Variants in ZNF654 observed in about 807,000 individuals in gnomAD.
ZNF654 encodes the protein zinc finger protein 654.
ZNF654 carries 19 observed loss-of-function variants against 95.3 expected under a neutral mutation model. The observed-to-expected ratio is 0.20, with a 90% confidence interval of 0.14 to 0.29. ZNF654 has a LOEUF of 0.29. Ranked by LOEUF, ZNF654 falls within the 10% of genes least tolerant of loss-of-function variation. The pLI is 1.00. For synonymous variants in ZNF654, 413 were observed against 457.9 expected (o/e 0.90, Z 1.25); for missense variants, 1,046 against 1,341.0 (o/e 0.78, Z 3.44).
In ZNF654 at chr3:88,140,648, T is replaced by G; in HGVS notation, c.2979T>G (p.Pro993=). Residue 993 remains proline (P), a synonymous_variant, in exon 8 of 9, where the codon CCT becomes CCG. Transcript: ENST00000636215. ...AAACACCTTTAGTTTCATCAGATCC[T>G]GCTTTGAAAATTGATACAAACAGAA... The part of the protein sequence containing the change: ...IEQTPLVSSD[P]ALKIDTNRIR... 6.2e-7 allele frequency: 1 copy of G among 1,613,790 alleles called. No individual in the cohort carries two copies. Among genetic ancestry groups the G allele is most frequent in the Non-Finnish European group, 8.5e-7 (1 of 1,179,752 alleles).
At chr3:88,074,649 A>T (rs1707702630) in intron 1 of ZNF654, among the ~76,000 whole-genome samples, 1 of 152,078 alleles carries the variant, frequency 6.6e-6, no homozygotes, top group South Asian at 2.1e-4. Flanking sequence ...CCTGTGTCTT[A>T]CTTTCTTAAG....
In ZNF654 at chr3:88,143,916, T is replaced by G. The variant is rs1331157913; in HGVS notation, c.*2264T>G. 1 of 152,062 alleles carries G rather than the reference T, an allele frequency of 6.6e-6. No homozygotes were observed. The highest frequency in any genetic ancestry group is 1.5e-5 in the Non-Finnish European group (1 of 67,804). The allele number at this position is 152,062 out of a possible 1,614,324, so 9.4% of individuals were successfully genotyped here. A position where few individuals can be genotyped will look rare whatever the true frequency, so the allele number is the denominator to read the frequency against. Reference sequence around the variant, plus strand: ...AAAACATAAACCTACATCATTTTGCTTTTATAGGGTGCATAAACTTCCAAC... The same window carrying G: ...AAAACATAAACCTACATCATTTTGCGTTTATAGGGTGCATAAACTTCCAAC... On this transcript the variant is annotated 3_prime_UTR_variant, in exon 9 of 9. Coordinates refer to ENST00000636215, the MANE Select transcript of ZNF654 (RefSeq NM_001350134.2).
At chr3:88,064,933 A>G (rs1559685396) in intron 1 of ZNF654, among the ~76,000 whole-genome samples, 1 of 152,252 alleles carries the variant, frequency 6.6e-6, no homozygotes, top group Non-Finnish European at 1.5e-5. Context: ...TACTTTTGAA[A>G]GAGTATCCTA....
intron 1 of ZNF654, among the ~76,000 whole-genome samples, chr3:88,061,317 AATAGTGACAGT>A (rs987526630): frequency 2.5e-4 from 38 of 152,350 alleles, no homozygotes; most frequent in Admixed American, 7.2e-4. Context: ...ACAGTGTCTT[AATAGTGACAGT>A]ACAATATTTT....
Position 88,128,813 on chromosome 3 carries a change from C to G in ZNF654, c.555C>G (p.Asn185Lys). The G allele has an allele frequency of 6.5e-7, 1 of 1,532,384 alleles. No homozygotes were observed. Among genetic ancestry groups the G allele is most frequent in the Non-Finnish European group, 8.7e-7 (1 of 1,144,478 alleles). The allele number at this position is 1,532,384 out of a possible 1,614,324, so 94.9% of individuals were successfully genotyped here. The part of the protein sequence containing the change: ...KAQPASQEIV[N>K]KYLSSENPLF... ...TCTGTTTTCTTTTTAATATAGTGAA[C>G]AAATATTTAAGTTCTGAAAATCCAC... The change falls in exon 5 of 9, where the codon AAC (asparagine) becomes AAG (lysine). Residue 185 changes from asparagine (N) to lysine (K), a missense_variant. Asn to Lys is a moderately conservative substitution (Grantham distance 94, BLOSUM62 0). Around this residue, in one of 9 missense-constraint regions of ZNF654, gnomAD observed 91 missense variants for 190.5 expected, o/e 0.48. Transcript: ENST00000636215.
In ZNF654 at chr3:88,066,582, A is replaced by AC. The variant is rs1387694839; in HGVS notation, c.186+7077_186+7078insC. On this transcript the variant is annotated intron_variant, in intron 1 of 8. Coordinates refer to ENST00000636215, the MANE Select transcript of ZNF654 (RefSeq NM_001350134.2). The stretch of plus-strand genomic sequence containing the variant: ...GTAAAACAAACAAACAAACAAACAA[A>AC]AAAAACAAAAAAACCTCAATTTTAA... 3.0e-3 allele frequency among the ~76,000 whole-genome samples: 455 copies of AC among 152,248 alleles called. 4 individuals are homozygous for AC. The highest frequency in any genetic ancestry group is 0.01 in the African/African-American group (431 of 41,524).
intron 2 of ZNF654, among the ~76,000 whole-genome samples, chr3:88,106,405 T>G (rs1264796668): frequency 6.6e-6 from 1 of 151,866 alleles, no homozygotes; most frequent in African/African-American, 2.4e-5. Context: ...TGGTGTGATC[T>G]CGGCTCACTG....
chr3:88,137,896 T>C (rs2107881430), intron 7 of ZNF654, among the ~76,000 whole-genome samples: 1 of 152,264 alleles, frequency 6.6e-6, no homozygotes, highest in African/African-American at 2.4e-5. Flanking sequence ...CAGTATGATA[T>C]ATATACATAT....
intron 2 of ZNF654, among the ~76,000 whole-genome samples, chr3:88,091,815 T>C (rs1181888764): frequency 3.9e-5 from 6 of 152,194 alleles, no homozygotes; most frequent in Non-Finnish European, 7.3e-5. Context: ...CCTTTGTTCC[T>C]CCTTCGCCTT....
chr3:88,077,541 A>G (rs535784134), intron 1 of ZNF654, among the ~76,000 whole-genome samples: 1 of 152,056 alleles, frequency 6.6e-6, no homozygotes, highest in Admixed American at 6.5e-5. Flanking sequence ...TTCCCTGTGT[A>G]TGGGGAATCA....
Position 88,139,140 on chromosome 3 carries a change from G to A in ZNF654, c.1471G>A (p.Glu491Lys). The A allele has an allele frequency of 1.5e-6, 2 of 1,308,364 alleles. No individual in the cohort carries two copies. Among genetic ancestry groups the A allele is most frequent in the South Asian group, 2.9e-5 (1 of 34,452 alleles). The allele number at this position is 1,308,364 out of a possible 1,614,324, so 81.0% of individuals were successfully genotyped here. Residue 491 changes from glutamate (E) to lysine (K), a missense_variant, in exon 8 of 9, where the codon GAA (glutamate) becomes AAA (lysine). By Grantham distance (56) the Glu-to-Lys change is moderately conservative. Around this residue, in one of 9 missense-constraint regions of ZNF654, gnomAD observed 100 missense variants for 108.9 expected, o/e 0.92. Transcript: ENST00000636215. ...NNAGNLKRTE[E>K]QQGLDEGFDS... is the part of the protein sequence containing the mutation. ...TGCAGGTAATCTAAAAAGGACGGAG[G>A]AACAGCAAGGTTTGGATGAAGGGTT...
chr3:88,108,622 C>T (rs947191686), intron 2 of ZNF654, among the ~76,000 whole-genome samples: 9 of 152,176 alleles, frequency 5.9e-5, no homozygotes, highest in African/African-American at 2.2e-4. Context: ...TGTATCTACA[C>T]TGTATACGCT....
chr3:88,138,168 C>T (rs562685202), intron 7 of ZNF654, among the ~76,000 whole-genome samples: 6 of 152,052 alleles, frequency 3.9e-5, no homozygotes, highest in Non-Finnish European at 8.8e-5. Flanking sequence ...TTTATGTGTG[C>T]CACATTTCCC....
Position 88,140,060 on chromosome 3 carries a change from A to G in ZNF654, c.2391A>G (p.Glu797=). 1 of 1,613,786 alleles carries G rather than the reference A, an allele frequency of 6.2e-7. No homozygotes were observed. The highest frequency in any genetic ancestry group is 8.5e-7 in the Non-Finnish European group (1 of 1,179,752). Residue 797 remains glutamate (E), a synonymous_variant, in exon 8 of 9, where the codon GAA becomes GAG. Coordinates refer to ENST00000636215, the MANE Select transcript of ZNF654 (RefSeq NM_001350134.2). ...GKCKFCQRQF[E]DSQHFIDHLN... is the part of the protein sequence containing the mutation. ...GCAAATTTTGTCAAAGGCAATTTGA[A>G]GATTCTCAACATTTTATAGACCACC...
chr3:88,113,917 T>C (rs1705241080), intron 3 of ZNF654, among the ~76,000 whole-genome samples: 1 of 152,210 alleles, frequency 6.6e-6, no homozygotes, highest in East Asian at 1.9e-4. Flanking sequence ...TAACCATTCT[T>C]ACCTTCAGCA....
chr3:88,059,386 T>C lies in ZNF654; in HGVS notation c.67T>C (p.Ser23Pro). ...AGAAGAGCTTGTGGCCATTGTGGAG[T>C]CCCCGCTGGGCCCTGTGGGGCTTAG... ...LGEELVAIVESPLGPVGLRAA... is the reference protein window; with the variant it reads ...LGEELVAIVEPPLGPVGLRAA... Residue 23 changes from serine to proline, a missense_variant, in exon 1 of 9, where the codon TCC (serine) becomes CCC (proline). Ser to Pro is a moderately conservative substitution (Grantham distance 74). Around this residue, in one of 9 missense-constraint regions of ZNF654, gnomAD observed 89 missense variants for 77.9 expected, o/e 1.14. Transcript: ENST00000636215. 3.3e-6 allele frequency: 5 copies of C among 1,534,606 alleles called. No homozygotes were observed. Among genetic ancestry groups the C allele is most frequent in the Non-Finnish European group, 4.4e-6 (5 of 1,146,486 alleles).
chr3:88,063,929 A>G (rs1707042294), intron 1 of ZNF654, among the ~76,000 whole-genome samples: 1 of 152,094 alleles, frequency 6.6e-6, no homozygotes. Flanking sequence ...CTGTGGTGTA[A>G]ACCAAAACAA....
intron 2 of ZNF654, among the ~76,000 whole-genome samples, chr3:88,101,063 G>T (rs1704392829): frequency 6.6e-6 from 1 of 152,112 alleles, no homozygotes; most frequent in Non-Finnish European, 1.5e-5. Flanking sequence ...TGTCAATCTT[G>T]TTTCAGCTGT....
chr3:88,059,576 G>C, intron 1 of ZNF654, 71 bp downstream of exon 1: 1 of 1,442,386 alleles, frequency 6.9e-7, no homozygotes, highest in Non-Finnish European at 9.0e-7. Flanking sequence ...TGGTCTTCTC[G>C]TCCATGAATC....
Sources: allele counts gnomAD v4.1 joint callset (sites outside exome capture counted in the v4.1 genomes callset), GRCh38; gene constraint gnomAD v4.1.1; regional missense constraint gnomAD v4.1.1; transcripts MANE v1.5; gene names NCBI Gene and HGNC (gene_info 2026-07-23, HGNC 2026-07-21).